The following ILDR1 variants were observed in gnomAD, a reference collection of about 807,000 sequenced individuals.
The protein encoded by ILDR1 is immunoglobulin like domain containing receptor 1, also known as immunoglobulin-like domain-containing receptor 1.
ILDR1 carries 56 observed loss-of-function variants against 62.4 expected under a neutral mutation model. The ratio of observed to expected loss-of-function variants is 0.90; its 90% CI spans 0.72 to 1.12. The LOEUF (loss-of-function observed/expected upper bound fraction) is 1.12. Among genes scored for constraint, ILDR1 ranks in the 50% most tolerant of loss-of-function variants. ILDR1 has a pLI of 0.00. For synonymous variants in ILDR1, 284 were observed against 277.8 expected (o/e 1.02, Z -0.22); for missense variants, 736 against 710.6 (o/e 1.04, Z -0.41).
rs760295300 is a variant in ILDR1 at position 122,007,003 on chromosome 3, A to G, written c.217T>C (p.Tyr73His). The G allele has an allele frequency of 1.9e-6, 3 of 1,612,696 alleles. No homozygotes were observed. In the South Asian group the frequency reaches 3.3e-5, roughly 18 times the overall value. The change falls in exon 2 of 8, where the codon TAC becomes CAC. Residue 73 changes from tyrosine to histidine, a missense_variant. By Grantham distance (83) the Tyr-to-His change is moderately conservative. Transcript: ENST00000344209. ...TAAGGATACTCACACGCTGAGTAGT[A>G]GTCAAAGATAGGGTCCTTGCAGAAG... Reference protein sequence around the residue: ...KSFCKDPIFDYYSASYQAALS... With the variant: ...KSFCKDPIFDHYSASYQAALS...
chr3:122,006,919 C>T (rs904748188), intron 2 of ILDR1, 72 bp downstream of exon 2: 4 of 1,502,024 alleles, frequency 2.7e-6, no homozygotes, highest in African/African-American at 2.8e-5. Context: ...TAAATAATCC[C>T]TCAACCCTAA....
At chr3:122,041,397 G>GA in the ILDR1 span, among the ~76,000 whole-genome samples, 1 of 152,148 alleles carries the variant, frequency 6.6e-6, no homozygotes, top group Non-Finnish European at 1.5e-5. Context: ...TCTGCCATGG[G>GA]ATGATGCAGC....
At chr3:122,031,698 A>G in the ILDR1 span, among the ~76,000 whole-genome samples, 1 of 152,130 alleles carries the variant, frequency 6.6e-6, no homozygotes, top group African/African-American at 2.4e-5. Context: ...CCATCTATGA[A>G]CCAGGAAGTC....
chr3:121,999,049 A>G (rs1448463449), intron 5 of ILDR1, among the ~76,000 whole-genome samples: 1 of 152,240 alleles, frequency 6.6e-6, no homozygotes, highest in Non-Finnish European at 1.5e-5. Flanking sequence ...CAAGGGGACT[A>G]CACATCAGAC....
chr3:121,988,384 T>C lies in ILDR1; in HGVS notation c.1624A>G (p.Arg542Gly). Residue 542 changes from arginine to glycine, a missense_variant, in exon 8 of 8, where the codon AGG becomes GGG. By Grantham distance (125) the Arg-to-Gly change is moderately radical. Transcript: ENST00000344209. ...RSEKDSSHSG[R>G]SVVI ...CTTGGTGACTAAATGACCACACTCC[T>C]TCCACTATGAGAGCTGTCTTTCTCC... The C allele has an allele frequency of 6.2e-7, 1 of 1,613,752 alleles. No individual in the cohort carries two copies. Among genetic ancestry groups the C allele is most frequent in the Non-Finnish European group, 8.5e-7 (1 of 1,179,702 alleles).
chr3:122,014,677 C>T (rs1263425845), intron 1 of ILDR1, among the ~76,000 whole-genome samples: 2 of 152,152 alleles, frequency 1.3e-5, no homozygotes, highest in African/African-American at 4.8e-5. Flanking sequence ...ATAGATACTT[C>T]AGGAAAGAAA....
chr3:121,991,913 T>G (rs1348510628), intron 7 of ILDR1, among the ~76,000 whole-genome samples: 1 of 152,246 alleles, frequency 6.6e-6, no homozygotes, highest in Non-Finnish European at 1.5e-5. Context: ...CTTCTTCTTT[T>G]ATAATATCTC....
the ILDR1 span, among the ~76,000 whole-genome samples, chr3:122,042,859 G>T: frequency 6.6e-6 from 1 of 152,026 alleles, no homozygotes; most frequent in Non-Finnish European, 1.5e-5. Context: ...TTCCCATTTT[G>T]TAGGTTGCCT....
chr3:122,005,202 T>TGCCCC, intron 3 of ILDR1, 42 bp downstream of exon 3: 1 of 1,216,414 alleles, frequency 8.2e-7, no homozygotes. Flanking sequence ...TGTCTGCACC[T>TGCCCC]CCCCCCACCC....
At chr3:122,056,623 C>T in the ILDR1 span, among the ~76,000 whole-genome samples, 1 of 152,140 alleles carries the variant, frequency 6.6e-6, no homozygotes, top group Non-Finnish European at 1.5e-5. Context: ...TGAGCCACCG[C>T]GCACCCGGCC....
chr3:122,052,287 G>C, the ILDR1 span, among the ~76,000 whole-genome samples: 2 of 152,034 alleles, frequency 1.3e-5, no homozygotes, highest in African/African-American at 2.4e-5. Flanking sequence ...AGACAGACAA[G>C]AAAGAAACCA....
chr3:122,050,284 T>C, the ILDR1 span, among the ~76,000 whole-genome samples: 12,944 of 152,158 alleles, frequency 0.085, 596 homozygotes, highest in African/African-American at 0.098. Flanking sequence ...AGAAAAGGGG[T>C]TACTATCAAC....
At chr3:122,015,626 C>T (rs1181119007) in intron 1 of ILDR1, among the ~76,000 whole-genome samples, 3 of 152,204 alleles carry the variant, frequency 2.0e-5, no homozygotes, top group African/African-American at 7.2e-5. Flanking sequence ...GACATGTTTG[C>T]TTCCCCTTCT....
chr3:122,025,881 C>G (rs1011167519), upstream of ILDR1, among the ~76,000 whole-genome samples: 5 of 152,162 alleles, frequency 3.3e-5, no homozygotes, highest in Non-Finnish European at 7.4e-5. Context: ...TTCCCAGCAT[C>G]TAGCATAGTA....
chr3:122,059,032 G>A, the ILDR1 span, among the ~76,000 whole-genome samples: 2 of 152,144 alleles, frequency 1.3e-5, no homozygotes, highest in Non-Finnish European at 2.9e-5. Context: ...AGCAGAGTGG[G>A]TTTGCGCCAG....
At chr3:122,010,462 A>G (rs991938195) in intron 1 of ILDR1, among the ~76,000 whole-genome samples, 1 of 152,212 alleles carries the variant, frequency 6.6e-6, no homozygotes, top group Non-Finnish European at 1.5e-5. Context: ...TGGGAAAAAA[A>G]GCTGCTGTCT....
the ILDR1 span, among the ~76,000 whole-genome samples, chr3:122,057,287 G>T: frequency 6.6e-6 from 1 of 152,120 alleles, no homozygotes; most frequent in Admixed American, 6.5e-5. Context: ...TGTTTGTAAA[G>T]TTTTAGTGAT....
At chr3:122,051,761 CCA>C in the ILDR1 span, among the ~76,000 whole-genome samples, 1 of 152,294 alleles carries the variant, frequency 6.6e-6, no homozygotes, top group Non-Finnish European at 1.5e-5. Flanking sequence ...GCCACTTCTT[CCA>C]GTCTTTACCA....
chr3:122,010,154 G>GT, intron 1 of ILDR1, among the ~76,000 whole-genome samples: 1 of 152,228 alleles, frequency 6.6e-6, no homozygotes, highest in Non-Finnish European at 1.5e-5. Context: ...GCCTTATTAG[G>GT]AAGGGGCAGT....
Sources: gnomAD v4.1 joint callset for allele counts (sites outside exome capture counted in the v4.1 genomes callset) on GRCh38, gnomAD v4.1.1 for gene constraint, MANE v1.5 for transcripts, NCBI Gene and HGNC (gene_info 2026-07-23, HGNC 2026-07-21) for gene names.